Variants in ACSL5 observed in about 807,000 individuals in gnomAD.
The protein encoded by ACSL5 is acyl-CoA synthetase long chain family member 5, also known as long-chain-fatty-acid--CoA ligase 5.
A neutral mutation model predicts 84.9 loss-of-function variants in ACSL5; 50 were observed. That is an observed-to-expected ratio of 0.59 (90% CI 0.47 to 0.75). The LOEUF is 0.75. Among genes scored for constraint, ACSL5 ranks in the 30% least tolerant of loss-of-function variants. ACSL5 has a pLI of 0.00. For missense variants in ACSL5, 775 were observed against 830.4 expected, an observed-to-expected ratio of 0.93 and a Z score of 0.82; for synonymous variants, 280 against 300.7, an observed-to-expected ratio of 0.93 and a Z score of 0.71.
intron 12 of ACSL5, among the ~76,000 whole-genome samples, chr10:112,413,822 T>C (rs1339887938): frequency 6.6e-6 from 1 of 152,190 alleles, no homozygotes; most frequent in Non-Finnish European, 1.5e-5. Flanking sequence ...GAAGAAAGCT[T>C]GACTAAGAGA....
At chr10:112,426,960 T>G in intron 20 of ACSL5, 101 bp downstream of exon 20, 1 of 1,150,562 alleles carries the variant, frequency 8.7e-7, no homozygotes, top group East Asian at 2.4e-5. Flanking sequence ...AGGAATTGAT[T>G]TTAGATTTTG....
intron 12 of ACSL5, among the ~76,000 whole-genome samples, chr10:112,415,777 T>G (rs1038422602): frequency 1.3e-5 from 2 of 152,216 alleles, no homozygotes; most frequent in Non-Finnish European, 2.9e-5. Context: ...TCTTCAAATT[T>G]TGAACAAGAA....
intron 14 of ACSL5, among the ~76,000 whole-genome samples, chr10:112,419,040 A>G (rs1844391541): frequency 6.6e-6 from 1 of 152,178 alleles, no homozygotes; most frequent in Admixed American, 6.5e-5. Context: ...TAATCAATTA[A>G]TAATCTAGAA....
chr10:112,413,038 T>G, intron 11 of ACSL5, 135 bp from the exon 12 acceptor site: 1 of 904,406 alleles, frequency 1.1e-6, no homozygotes, highest in East Asian at 2.5e-5. Context: ...TCAGCCCACT[T>G]CCCAAATTCC....
intron 1 of ACSL5, chr10:112,376,110 A>AAAGGCTT: frequency 1.5e-6 from 1 of 673,262 alleles, no homozygotes; most frequent in East Asian, 2.9e-5. Context: ...GGCTGAGGTG[A>AAAGGCTT]AAGGCTTTGA....
intron 17 of ACSL5, 34 bp from the exon 18 acceptor site, chr10:112,425,304 C>CA (rs1844625205): frequency 6.3e-7 from 1 of 1,574,860 alleles, no homozygotes; most frequent in African/African-American, 1.4e-5. Context: ...CTCTGTGGCT[C>CA]AAAAATACTG....
chr10:112,395,828 C>G (rs11195945), intron 2 of ACSL5: 1 of 152,184 alleles, frequency 6.6e-6, no homozygotes, highest in Non-Finnish European at 1.5e-5. Context: ...CTAATTTCTT[C>G]TGTTGTTTTT....
chr10:112,416,330 G>T (rs1239949705), intron 12 of ACSL5, among the ~76,000 whole-genome samples: 1 of 152,004 alleles, frequency 6.6e-6, no homozygotes, highest in African/African-American at 2.4e-5. Context: ...AGCTAGCTGG[G>T]CGTGGTGGCG....
chr10:112,421,711 A>G, intron 15 of ACSL5, 46 bp downstream of exon 15: 1 of 1,555,104 alleles, frequency 6.4e-7, no homozygotes, highest in Middle Eastern at 1.7e-4. Flanking sequence ...GTTGGGAGAA[A>G]GGTTCTAACT....
chr10:112,419,178 C>T (rs932949713), intron 14 of ACSL5: 1 of 151,446 alleles, frequency 6.6e-6, no homozygotes, highest in Admixed American at 6.6e-5. Context: ...CTTTTTTGCA[C>T]ATTTCTGCAA....
At chr10:112,426,526 TTC>T in intron 19 of ACSL5, 167 bp downstream of exon 19, 1 of 634,158 alleles carries the variant, frequency 1.6e-6, no homozygotes, top group East Asian at 2.7e-5. Context: ...AAACTCTCTT[TTC>T]TATTTAAAAT....
rs184595336 is a variant in ACSL5, at chr10:112,427,735, A to G, written c.*377A>G. 4.4e-5 allele frequency: 7 copies of G among 157,658 alleles called. No individual in the cohort carries two copies. In the Admixed American group the frequency reaches 4.5e-4, roughly 10 times the overall value. The allele number at this position is 157,658 out of a possible 1,614,324, so 9.8% of individuals were successfully genotyped here. A position where few individuals can be genotyped will look rare whatever the true frequency, so the allele number is the denominator to read the frequency against. On this transcript the variant is annotated 3_prime_UTR_variant, in exon 21 of 21. Coordinates refer to ENST00000354655, the MANE Select transcript of ACSL5 (RefSeq NM_203379.2). ...TTCTTCTTTGTTTTGTGATAAACAT[A>G]ACTTGCCAACAGTCTCTATGCTTAT...
At chr10:112,402,657 G>A (rs1002706952) in intron 3 of ACSL5, among the ~76,000 whole-genome samples, 7 of 152,198 alleles carry the variant, frequency 4.6e-5, no homozygotes, top group Admixed American at 3.3e-4. Context: ...TAATCAGAGT[G>A]GGTATCTCTT....
rs1054473829 is a variant in ACSL5 at position 112,427,941 on chromosome 10, A to T, written c.*583A>T. On this transcript the variant is annotated 3_prime_UTR_variant, in exon 21 of 21. Transcript: ENST00000354655. Reference sequence around the variant, plus strand: ...CTGCGTAAATTAAATTGTGTACTGAAGGGAAAAGTTTGATCATACCAAACA... The same window carrying T: ...CTGCGTAAATTAAATTGTGTACTGATGGGAAAAGTTTGATCATACCAAACA... The T allele has an allele frequency of 2.0e-5, 3 of 153,392 alleles. No homozygotes were observed. The Admixed American group carries it at 2.0e-4, about 10-fold the overall frequency. 9.5% of individuals were successfully genotyped at this position (153,392 alleles called of 1,614,324 possible).
chr10:112,402,243 C>T (rs1280046848), intron 3 of ACSL5, among the ~76,000 whole-genome samples: 2 of 152,202 alleles, frequency 1.3e-5, no homozygotes, highest in Non-Finnish European at 2.9e-5. Flanking sequence ...GCTGGGATTA[C>T]AGGCATGAGC....
intron 3 of ACSL5, among the ~76,000 whole-genome samples, chr10:112,401,131 G>A (rs150098296): frequency 3.9e-5 from 6 of 151,984 alleles, no homozygotes; most frequent in East Asian, 1.9e-4. Context: ...CAGGAGAATC[G>A]CTTGAACCTG....
chr10:112,426,442 C>A, intron 19 of ACSL5, 83 bp downstream of exon 19: 2 of 1,187,064 alleles, frequency 1.7e-6, no homozygotes, highest in Non-Finnish European at 2.5e-6. Flanking sequence ...CTGCATCTGT[C>A]ACAAGTGGCT....
At position 112,383,292 on chromosome 10, in the gene ACSL5, G is replaced by A. The variant is rs115924046; in HGVS notation, c.-30+9023G>A. Reference sequence around the variant, plus strand: ...TGCATTCCAGCCTGAGCAACAAAGCGAGACTCTGTCCCAAAATAAATATAT... The same window carrying A: ...TGCATTCCAGCCTGAGCAACAAAGCAAGACTCTGTCCCAAAATAAATATAT... On this transcript the variant is annotated intron_variant, in intron 1 of 20. Transcript: ENST00000354655. Among the ~76,000 whole-genome samples the A allele has an allele frequency of 8.2e-3, 1,254 of 152,294 alleles. 15 individuals carry two copies. Among genetic ancestry groups the A allele is most frequent in the African/African-American group, 0.029 (1,199 of 41,560 alleles).
chr10:112,375,699 G>T lies in ACSL5; in HGVS notation c.-30+1430G>T, dbSNP rs563642977. Among the ~76,000 whole-genome samples, 18 of 152,322 alleles carry T rather than the reference G, an allele frequency of 1.2e-4. No individual in the cohort carries two copies. The South Asian group carries it at 2.3e-3, about 19-fold the overall frequency. ...AATACTGGGGGTGACCAAGGCGAAA[G>T]AATCGATTTTTAAGTTAAGTTTTGA... On this transcript the variant is annotated intron_variant, in intron 1 of 20. Coordinates refer to ENST00000354655, the MANE Select transcript of ACSL5 (RefSeq NM_203379.2).
Sources: gnomAD v4.1 joint callset for allele counts (sites outside exome capture counted in the v4.1 genomes callset) on GRCh38, gnomAD v4.1.1 for gene constraint, MANE v1.5 for transcripts, NCBI Gene and HGNC (gene_info 2026-07-23, HGNC 2026-07-21) for gene names.